KIAA1549L: variants seen among roughly 807,000 people sequenced by gnomAD.
KIAA1549L encodes the protein KIAA1549 like.
Under a neutral mutation model 160.7 loss-of-function variants are expected in KIAA1549L, and 88 were observed. That is an observed-to-expected ratio of 0.55 (90% CI 0.46 to 0.65). The LOEUF (loss-of-function observed/expected upper bound fraction) is 0.65. Ranked by LOEUF, KIAA1549L falls within the 30% of genes least tolerant of loss-of-function variation. The probability of loss-of-function intolerance (pLI) is 0.00; values close to 1 mark genes in which losing one functional copy is unlikely to be tolerated. For missense variants in KIAA1549L, 2,258 were observed against 2,437.5 expected (o/e 0.93, Z 1.55); for synonymous variants, 950 against 976.7 (o/e 0.97, Z 0.51).
chr11:33,670,887 T>G lies in KIAA1549L; in HGVS notation c.*2733T>G, dbSNP rs1308386463. 2 of 152,274 alleles carry G rather than the reference T, an allele frequency of 1.3e-5. No homozygotes were observed. Among genetic ancestry groups the G allele is most frequent in the Admixed American group, 1.3e-4 (2 of 15,290 alleles). 9.4% of individuals were successfully genotyped at this position (152,274 alleles called of 1,614,324 possible). On this transcript the variant is annotated 3_prime_UTR_variant, in exon 21 of 21. Transcript: ENST00000658780. Reference sequence around the variant, plus strand: ...CGAAGTGGAGTGACTGGCCCAGTGATTCAGTCCCAACCTCCTGGTTCACGA... The same window carrying G: ...CGAAGTGGAGTGACTGGCCCAGTGAGTCAGTCCCAACCTCCTGGTTCACGA...
chr11:33,451,776 C>T (rs1440807833), intron 1 of KIAA1549L, among the ~76,000 whole-genome samples: 1 of 152,218 alleles, frequency 6.6e-6, no homozygotes, highest in African/African-American at 2.4e-5. Flanking sequence ...GAAAAAACCT[C>T]AAAAGCAAGA....
At chr11:33,390,394 C>G (rs1850250640) in intron 1 of KIAA1549L, among the ~76,000 whole-genome samples, 2 of 152,184 alleles carry the variant, frequency 1.3e-5, no homozygotes, top group South Asian at 4.1e-4. Context: ...TTCTTGGTTC[C>G]CCTGACAATA....
chr11:33,631,491 G>T (rs564226424), intron 16 of KIAA1549L, among the ~76,000 whole-genome samples: 1 of 152,146 alleles, frequency 6.6e-6, no homozygotes, highest in Admixed American at 6.5e-5. Context: ...TGTCCTGTAC[G>T]TTACAGGGTT....
chr11:33,561,307 A>G (rs111874079), intron 7 of KIAA1549L, among the ~76,000 whole-genome samples: 2 of 152,284 alleles, frequency 1.3e-5, no homozygotes, highest in African/African-American at 4.8e-5. Flanking sequence ...AAGGGCAGAA[A>G]CTCACAAATC....
chr11:33,553,926 G>A (rs1004088290), intron 6 of KIAA1549L, among the ~76,000 whole-genome samples: 1 of 152,172 alleles, frequency 6.6e-6, no homozygotes, highest in African/African-American at 2.4e-5. Flanking sequence ...CCTTGGAAAA[G>A]ATGATAGGAG....
At chr11:33,584,776 A>G (rs980184973) in intron 11 of KIAA1549L, among the ~76,000 whole-genome samples, 2 of 152,166 alleles carry the variant, frequency 1.3e-5, no homozygotes, top group African/African-American at 4.8e-5. Context: ...TGAGGCTCAC[A>G]TCTGAGTCTT....
At chr11:33,651,019 C>T (rs1851868379) in intron 17 of KIAA1549L, among the ~76,000 whole-genome samples, 1 of 152,230 alleles carries the variant, frequency 6.6e-6, no homozygotes, top group Non-Finnish European at 1.5e-5. Flanking sequence ...TTTCCAGGCC[C>T]ACTGGCATCT....
intron 1 of KIAA1549L, among the ~76,000 whole-genome samples, chr11:33,502,559 A>C (rs1852977057): frequency 6.6e-6 from 1 of 152,182 alleles, no homozygotes; most frequent in Non-Finnish European, 1.5e-5. Flanking sequence ...GTTTTATTTA[A>C]AATATCAAAC....
chr11:33,469,008 T>C lies in KIAA1549L; in HGVS notation c.239-72794T>C, dbSNP rs536685455. On this transcript the variant is annotated intron_variant, in intron 1 of 20. Coordinates refer to ENST00000658780, the MANE Select transcript of KIAA1549L (RefSeq NM_012194.3). The stretch of plus-strand genomic sequence containing the variant: ...GCCCCACTTGGAGGGTTTGCTTGCT[T>C]GTTGGTTTTTGTTTCTTTCATGACT... 6.8e-4 allele frequency among the ~76,000 whole-genome samples: 103 copies of C among 152,328 alleles called. 1 individual carries two copies. Among genetic ancestry groups the C allele is most frequent in the Non-Finnish European group, 1.1e-3 (76 of 68,030 alleles).
chr11:33,538,247 TCTTTCC>T (rs1473976745), intron 1 of KIAA1549L, among the ~76,000 whole-genome samples: 2 of 152,166 alleles, frequency 1.3e-5, no homozygotes, highest in East Asian at 3.9e-4. Flanking sequence ...CTCGACCTGG[TCTTTCC>T]CTTGACATGT....
intron 16 of KIAA1549L, among the ~76,000 whole-genome samples, chr11:33,620,474 T>G (rs994505295): frequency 6.6e-6 from 1 of 152,236 alleles, no homozygotes; most frequent in Non-Finnish European, 1.5e-5. Context: ...TTGTGCTTTT[T>G]ATACTAATCA....
At chr11:33,532,219 C>A (rs1042387960) in intron 1 of KIAA1549L, among the ~76,000 whole-genome samples, 1 of 152,162 alleles carries the variant, frequency 6.6e-6, no homozygotes, top group African/African-American at 2.4e-5. Context: ...TATGGAAGAA[C>A]AAGGTGAGGT....
At chr11:33,466,910 T>G (rs1231262417) in intron 1 of KIAA1549L, among the ~76,000 whole-genome samples, 1 of 135,352 alleles carries the variant, frequency 7.4e-6, no homozygotes, top group Non-Finnish European at 1.5e-5. Flanking sequence ...TAAGTGGGAG[T>G]TGAACAATGA....
intron 20 of KIAA1549L, among the ~76,000 whole-genome samples, chr11:33,661,631 C>T (rs1269098394): frequency 6.6e-6 from 1 of 152,096 alleles, no homozygotes; most frequent in South Asian, 2.1e-4. Context: ...TGTAATCCCA[C>T]CACTTTGGGA....
chr11:33,391,531 C>T (rs573743995), intron 1 of KIAA1549L, among the ~76,000 whole-genome samples: 2 of 152,306 alleles, frequency 1.3e-5, no homozygotes, highest in South Asian at 4.1e-4. Context: ...CTTCCGACGG[C>T]GTGTCTGGTG....
In KIAA1549L at chr11:33,655,256, T is replaced by TAC. The variant is rs147310112; in HGVS notation, c.5761-740_5761-739dup. On this transcript the variant is annotated intron_variant, in intron 17 of 20. Coordinates refer to ENST00000658780, the MANE Select transcript of KIAA1549L (RefSeq NM_012194.3). ...AGTGCTTTATAGATTGCAAAAGACA[T>TAC]ACACACACACACACACAGACTTACC... Among the ~76,000 whole-genome samples, 277 of 150,908 alleles carry TAC rather than the reference T, an allele frequency of 1.8e-3. 1 individual carries two copies. The highest frequency in any genetic ancestry group is 4.4e-3 in the African/African-American group (183 of 41,232).
chr11:33,667,660 C>G (rs1036123264), intron 20 of KIAA1549L, among the ~76,000 whole-genome samples: 5 of 152,130 alleles, frequency 3.3e-5, no homozygotes, highest in African/African-American at 1.2e-4. Context: ...TTCCAAAGTG[C>G]CGGGATTACA....
At chr11:33,563,379 TG>T (rs1187433057) in intron 8 of KIAA1549L, among the ~76,000 whole-genome samples, 1 of 140,092 alleles carries the variant, frequency 7.1e-6, no homozygotes, top group Non-Finnish European at 1.5e-5. Flanking sequence ...GAATTGGAAG[TG>T]GGGGGACACA....
At chr11:33,610,064 G>A in intron 15 of KIAA1549L, 98 bp downstream of exon 15, 1 of 872,344 alleles carries the variant, frequency 1.1e-6, no homozygotes, top group South Asian at 1.5e-5. Flanking sequence ...TGGTACTGTA[G>A]GATTGTGATC....
Sources: allele counts gnomAD v4.1 joint callset (sites outside exome capture counted in the v4.1 genomes callset), GRCh38; gene constraint gnomAD v4.1.1; transcripts MANE v1.5; gene names NCBI Gene and HGNC (gene_info 2026-07-23, HGNC 2026-07-21).